The following WNK2 variants were observed in gnomAD, a reference collection of about 807,000 sequenced individuals.
WNK2 encodes serine/threonine-protein kinase WNK2.
In WNK2, 67 loss-of-function variants were observed where a neutral mutation model predicts 192.1. The observed-to-expected ratio is 0.35, with a 90% confidence interval of 0.29 to 0.43. The LOEUF is 0.43. Ranked by LOEUF, WNK2 falls within the 20% of genes least tolerant of loss-of-function variation. The pLI, the probability that WNK2 is intolerant of heterozygous loss-of-function variation, is 1.00. For synonymous variants in WNK2, 1,439 were observed against 1,393.9 expected (o/e 1.03, Z -0.72); for missense variants, 2,698 against 3,089.7 (o/e 0.87, Z 3.01).
intron 19 of WNK2, among the ~76,000 whole-genome samples, chr9:93,273,726 G>A (rs13283550): frequency 0.12 from 18,924 of 152,148 alleles, 1,278 homozygotes; most frequent in African/African-American, 0.16. Context: ...TTTCAAGTAC[G>A]TATGGAACAA....
chr9:93,225,564 T>A (rs1167475357), intron 2 of WNK2, among the ~76,000 whole-genome samples: 1 of 152,244 alleles, frequency 6.6e-6, no homozygotes, highest in Non-Finnish European at 1.5e-5. Flanking sequence ...AGGTAACTGC[T>A]GTTAAAAATG....
chr9:93,273,272 C>T (rs1481207163), intron 19 of WNK2, among the ~76,000 whole-genome samples: 1 of 152,184 alleles, frequency 6.6e-6, no homozygotes, highest in African/African-American at 2.4e-5. Context: ...ATTCTCCTGC[C>T]TCAGCCTCCC....
At chr9:93,230,768 TATGTGCCGTGTGCACGGGA>T in intron 3 of WNK2, 101 bp from the exon 4 acceptor site, 1 of 898,226 alleles carries the variant, frequency 1.1e-6, no homozygotes, top group Non-Finnish European at 1.7e-6. Flanking sequence ...CTGTCACGGG[TATGTGCCGTGTGCACGGGA>T]ATGGACTTTG....
Position 93,187,322 on chromosome 9 carries a change from C to T in WNK2, c.681+1712C>T, listed in dbSNP as rs559976244. Among the ~76,000 whole-genome samples the T allele has an allele frequency of 2.6e-5, 4 of 152,252 alleles. No homozygotes were observed. The East Asian group carries it at 7.7e-4, about 29-fold the overall frequency. On this transcript the variant is annotated intron_variant, in intron 2 of 29. Coordinates refer to ENST00000427277, the MANE Select transcript of WNK2 (RefSeq NM_006648.4). ...GAGCCTGGCCTCTGTCCAGGGGTCT[C>T]TTGCTCCTTGACTCTAGGTGGGAAC...
intron 10 of WNK2, 116 bp from the exon 11 acceptor site, chr9:93,256,832 G>A: frequency 1.1e-6 from 1 of 941,064 alleles, no homozygotes; most frequent in Non-Finnish European, 1.6e-6. Context: ...GTGTGAATGT[G>A]AGCATGTGCG....
intron 2 of WNK2, among the ~76,000 whole-genome samples, chr9:93,199,500 C>G (rs897939018): frequency 5.9e-5 from 9 of 152,182 alleles, no homozygotes; most frequent in African/African-American, 2.2e-4. Flanking sequence ...CAGCCAGCTG[C>G]AAGGCTGTTG....
At chr9:93,236,609 G>A (rs372317189) in intron 5 of WNK2, among the ~76,000 whole-genome samples, 413 of 152,332 alleles carry the variant, frequency 2.7e-3, no homozygotes, top group African/African-American at 9.2e-3. Context: ...ACCTGGCCCC[G>A]CCCTGCTGCT....
chr9:93,234,821 C>T lies in WNK2; in HGVS notation c.1089C>T (p.Phe363=), dbSNP rs1283589522. Residue 363 remains phenylalanine (F), a synonymous_variant, in exon 5 of 30, where the codon TTC becomes TTT. Transcript: ENST00000427277. ...TTCCGGGCACAGGTACTCCCGAGTTCATGGCGCCCGAGATGTACGAGGAGC... is the reference window on the plus strand; with the variant it reads ...TTCCGGGCACAGGTACTCCCGAGTTTATGGCGCCCGAGATGTACGAGGAGC... ...FAKSVIGTPE[F]MAPEMYEEHY... The T allele has an allele frequency of 6.2e-7, 1 of 1,613,254 alleles. No homozygotes were observed. Among genetic ancestry groups the T allele is most frequent in the Non-Finnish European group, 8.5e-7 (1 of 1,179,276 alleles).
At chr9:93,270,796 C>T (rs1005116038) in intron 19 of WNK2, among the ~76,000 whole-genome samples, 2 of 152,152 alleles carry the variant, frequency 1.3e-5, no homozygotes, top group African/African-American at 4.8e-5. Flanking sequence ...CAGGAACATG[C>T]AGGAGCCAAA....
At chr9:93,299,339 G>C (rs886335953) in intron 25 of WNK2, 78 bp downstream of exon 25, 3 of 1,461,500 alleles carry the variant, frequency 2.1e-6, no homozygotes, top group Non-Finnish European at 2.7e-6. Flanking sequence ...GCACGCCCGT[G>C]TTGTGTAGAG....
At chr9:93,319,823 G>T (rs1165527184) in intron 29 of WNK2, among the ~76,000 whole-genome samples, 1 of 152,196 alleles carries the variant, frequency 6.6e-6, no homozygotes, top group Non-Finnish European at 1.5e-5. Flanking sequence ...CATCCTGTGG[G>T]ACTCAGCGCA....
chr9:93,242,185 G>T (rs1840886040), intron 7 of WNK2, among the ~76,000 whole-genome samples: 1 of 152,224 alleles, frequency 6.6e-6, no homozygotes, highest in Admixed American at 6.5e-5. Flanking sequence ...AGCTCCCACT[G>T]TGGGGTGGCG....
At position 93,185,278 on chromosome 9, in the gene WNK2, G is replaced by A. The variant is rs960249386; in HGVS notation, c.349G>A (p.Glu117Lys). ...CGGAGCCCCCGCGGACGCCGGCCCC[G>A]AGCCCGTGGGCACGCAGGAGCCCGG... The part of the protein sequence containing the change: ...APGAPADAGP[E>K]PVGTQEPGPD... Residue 117 changes from glutamate to lysine, a missense_variant, in exon 2 of 30, where the codon GAG becomes AAG. Coordinates refer to ENST00000427277, the MANE Select transcript of WNK2 (RefSeq NM_006648.4). 18 of 1,354,782 alleles carry A rather than the reference G, an allele frequency of 1.3e-5. No individual in the cohort carries two copies. Among genetic ancestry groups the A allele is most frequent in the African/African-American group, 7.7e-5 (5 of 64,702 alleles). The allele number at this position is 1,354,782 out of a possible 1,614,324, so 83.9% of individuals were successfully genotyped here.
intron 7 of WNK2, among the ~76,000 whole-genome samples, chr9:93,245,375 G>GT (rs754751902): frequency 9.2e-5 from 14 of 152,192 alleles, no homozygotes; most frequent in Non-Finnish European, 1.6e-4. Context: ...CAAGTCCTCT[G>GT]GGCCCCTTTC....
intron 29 of WNK2, chr9:93,319,212 T>C: frequency 1.2e-6 from 2 of 1,611,814 alleles, no homozygotes; most frequent in Non-Finnish European, 1.7e-6. Context: ...TCGAAAACAG[T>C]GTGAAACAAC....
chr9:93,237,186 T>C (rs1340828212), intron 5 of WNK2, among the ~76,000 whole-genome samples: 1 of 152,242 alleles, frequency 6.6e-6, no homozygotes, highest in African/African-American at 2.4e-5. Flanking sequence ...AGCTCGGCTT[T>C]ATCTCGCTTC....
intron 19 of WNK2, among the ~76,000 whole-genome samples, chr9:93,276,144 AT>A (rs1846829981): frequency 6.6e-6 from 1 of 152,246 alleles, no homozygotes; most frequent in Admixed American, 6.5e-5. Flanking sequence ...GGCTAAAATC[AT>A]TTTGAAAATG....
intron 27 of WNK2, 50 bp from the exon 28 acceptor site, chr9:93,308,278 C>G: frequency 6.6e-7 from 1 of 1,524,502 alleles, no homozygotes. Context: ...CACTGGGGGC[C>G]TGGGTGCGTG....
At chr9:93,206,321 C>T (rs1833376829) in intron 2 of WNK2, among the ~76,000 whole-genome samples, 1 of 152,216 alleles carries the variant, frequency 6.6e-6, no homozygotes, top group Non-Finnish European at 1.5e-5. Context: ...GGGTCGCCTG[C>T]AGTGACCTGG....
Sources: gnomAD v4.1 joint callset for allele counts (sites outside exome capture counted in the v4.1 genomes callset) on GRCh38, gnomAD v4.1.1 for gene constraint, MANE v1.5 for transcripts, NCBI Gene and HGNC (gene_info 2026-07-23, HGNC 2026-07-21) for gene names.